TROAP: variants seen among roughly 807,000 people sequenced by gnomAD.
The protein encoded by TROAP is trophinin associated protein.
TROAP carries 62 observed loss-of-function variants against 83.4 expected under a neutral mutation model. That is an observed-to-expected ratio of 0.74 (90% CI 0.61 to 0.92). The LOEUF (loss-of-function observed/expected upper bound fraction) is 0.92. Among genes scored for constraint, TROAP ranks in the 40% least tolerant of loss-of-function variants. The pLI, the probability that TROAP is intolerant of heterozygous loss-of-function variation, is 0.00. For missense variants in TROAP, 876 were observed against 985.1 expected (o/e 0.89, Z 1.48); for synonymous variants, 352 against 386.4 (o/e 0.91, Z 1.04).
chr12:49,323,534 C>A, intron 1 of TROAP, 70 bp from the exon 2 acceptor site: 1 of 1,565,786 alleles, frequency 6.4e-7, no homozygotes, highest in Non-Finnish European at 8.7e-7. Flanking sequence ...GATGGCAGGA[C>A]AGGTGCCCCG....
chr12:49,324,909 CTTTTTTT>C (rs891098022), intron 3 of TROAP, among the ~76,000 whole-genome samples: 3 of 112,552 alleles, frequency 2.7e-5, no homozygotes, highest in African/African-American at 7.0e-5. Context: ...TGTTTTCTTT[CTTTTTTT>C]TTTTTTTTTT....
rs1190743092 is a variant in TROAP, at chr12:49,329,454, G to T, written c.1164G>T (p.Trp388Cys). The change falls in exon 11 of 15, where the codon TGG becomes TGT. Residue 388 changes from tryptophan (W) to cysteine (C), a missense_variant and splice_region_variant. Coordinates refer to ENST00000257909, the MANE Select transcript of TROAP (RefSeq NM_005480.4). This position sits in a 1 kb window ranked among gnomAD's most constrained non-coding sequence, Gnocchi z 4.5. ...GCTCTGAAGATCCTGCCCTGCCCTGGGTAAGTATCAGAAGCTTCCCCCTAC... is the reference window on the plus strand; with the variant it reads ...GCTCTGAAGATCCTGCCCTGCCCTGTGTAAGTATCAGAAGCTTCCCCCTAC... The part of the protein sequence containing the change: ...QSCSEDPALP[W>C]EQVAVRLFDQ... 3 of 1,608,446 alleles carry T rather than the reference G, an allele frequency of 1.9e-6. No homozygotes were observed. Among genetic ancestry groups the T allele is most frequent in the Non-Finnish European group, 2.5e-6 (3 of 1,176,992 alleles).
chr12:49,330,606 G>A lies in TROAP; in HGVS notation c.1761G>A (p.Arg587=), dbSNP rs1943565444. 6.2e-7 allele frequency: 1 copy of A among 1,612,776 alleles called. No homozygotes were observed. Among genetic ancestry groups the A allele is most frequent in the Non-Finnish European group, 8.5e-7 (1 of 1,179,742 alleles). Residue 587 remains arginine (R), a synonymous_variant, in exon 13 of 15, where the codon AGG becomes AGA. Coordinates refer to ENST00000257909, the MANE Select transcript of TROAP (RefSeq NM_005480.4). ...VPEPCPPAEP[R]PLESYCRIEP... ...AGCCCTGCCCTCCAGCAGAACCCAGGCCCCTAGAGTCCTACTGTAGGATTG... is the reference window on the plus strand; with the variant it reads ...AGCCCTGCCCTCCAGCAGAACCCAGACCCCTAGAGTCCTACTGTAGGATTG...
At chr12:49,324,496 C>G (rs567575697) in intron 3 of TROAP, 24 of 270,322 alleles carry the variant, frequency 8.9e-5, no homozygotes, top group African/African-American at 5.4e-4. Flanking sequence ...TGTTACCTGT[C>G]TATAGTTTGA....
Position 49,331,593 on chromosome 12 carries a change from T to C in TROAP, c.2313T>C (p.Ser771=), listed in dbSNP as rs746128804. The change falls in exon 15 of 15, where the codon TCT becomes TCC. Residue 771 remains serine (S), a synonymous_variant. Coordinates refer to ENST00000257909, the MANE Select transcript of TROAP (RefSeq NM_005480.4). The part of the protein sequence containing the change: ...QDALCFIPVG[S]AAPQGSP Reference sequence around the variant, plus strand: ...TCCAGTGTTTCATTCCAGTTGGTTCTGCTGCCCCCCAGGGCTCTCCATGAT... The same window carrying C: ...TCCAGTGTTTCATTCCAGTTGGTTCCGCTGCCCCCCAGGGCTCTCCATGAT... 4 of 1,614,226 alleles carry C rather than the reference T, an allele frequency of 2.5e-6. No individual in the cohort carries two copies. The highest frequency in any genetic ancestry group is 3.4e-6 in the Non-Finnish European group (4 of 1,180,030).
In TROAP at chr12:49,331,199, T is replaced by G; in HGVS notation, c.2099-15T>G. 6.2e-7 allele frequency: 1 copy of G among 1,613,970 alleles called. No individual in the cohort carries two copies. Among genetic ancestry groups the G allele is most frequent in the Non-Finnish European group, 8.5e-7 (1 of 1,180,000 alleles). The stretch of plus-strand genomic sequence containing the variant: ...AGGACCCCAGACCTCCCTCTAAATT[T>G]TCCATGCCCCTCAGGCCTCAGCAAT... On this transcript the variant is annotated splice_polypyrimidine_tract_variant and intron_variant, in intron 13 of 14. Transcript: ENST00000257909.
At position 49,331,652 on chromosome 12, in the gene TROAP, C is replaced by T. The variant is rs199619728; in HGVS notation, c.*35C>T. 3.0e-5 allele frequency: 49 copies of T among 1,613,840 alleles called. No homozygotes were observed. In the East Asian group the frequency reaches 1.0e-3, roughly 34 times the overall value. ...CACTCCTGCCCTGCCGTACTTCTTC[C>T]TTTTAGCCCTTATTTATTGTCGGTC... On this transcript the variant is annotated 3_prime_UTR_variant, in exon 15 of 15. Transcript: ENST00000257909.
rs370307812 is a variant in TROAP, at chr12:49,326,066, T to C, written c.634-10T>C. On this transcript the variant is annotated splice_polypyrimidine_tract_variant and intron_variant, in intron 5 of 14. Transcript: ENST00000257909. ...TGATTCCGTTTTCATCTCTTGCTCC[T>C]GTGGATCAGATTTCACCTTCAGGAC... is the stretch of plus-strand genomic sequence containing the variant. The C allele has an allele frequency of 5.0e-6, 8 of 1,613,388 alleles. No individual in the cohort carries two copies. In the African/African-American group the frequency reaches 8.0e-5, roughly 16 times the overall value.
intron 1 of TROAP, 107 bp from the exon 2 acceptor site, chr12:49,323,497 C>CGTGGATTAGG (rs1943433895): frequency 6.9e-7 from 1 of 1,455,022 alleles, no homozygotes; most frequent in Non-Finnish European, 9.3e-7. Flanking sequence ...GGCTTGTGGG[C>CGTGGATTAGG]GCGTGGATTA....
In TROAP at chr12:49,326,111, TC is replaced by T; in HGVS notation, c.670del (p.Arg224AlafsTer7). On this transcript the variant is annotated frameshift_variant, in exon 6 of 15. Coordinates refer to ENST00000257909, the MANE Select transcript of TROAP (RefSeq NM_005480.4). LOFTEE classifies it high-confidence loss of function. ...PSGPSFHPST[R>X]PSFQELRRET... Reference sequence around the variant, plus strand: ...CAGGACCTTCCTTTCACCCTTCCACTCGCCCCAGTTTCCAGGAGCTAAGAAG... The same window carrying T: ...CAGGACCTTCCTTTCACCCTTCCACTGCCCCAGTTTCCAGGAGCTAAGAAG... 6.2e-7 allele frequency: 1 copy of T among 1,613,946 alleles called. No individual in the cohort carries two copies. Among genetic ancestry groups the T allele is most frequent in the Non-Finnish European group, 8.5e-7 (1 of 1,180,020 alleles).
Position 49,324,048 on chromosome 12 carries a change from G to C in TROAP, c.337+11G>C. On this transcript the variant is annotated intron_variant, in intron 3 of 14. Coordinates refer to ENST00000257909, the MANE Select transcript of TROAP (RefSeq NM_005480.4). ...CCCCTGCCCAGACAGGTACCTGTTG[G>C]AGCCATGGTAACACGGCCTCCATGG... 6.2e-7 allele frequency: 1 copy of C among 1,612,274 alleles called. No individual in the cohort carries two copies.
intron 3 of TROAP, among the ~76,000 whole-genome samples, chr12:49,325,055 C>A (rs1380148663): frequency 6.6e-6 from 1 of 151,558 alleles, no homozygotes; most frequent in Non-Finnish European, 1.5e-5. Flanking sequence ...GTACTACAGG[C>A]GCGCGCCACC....
chr12:49,324,167 C>T, intron 3 of TROAP, 130 bp downstream of exon 3: 1 of 1,614,134 alleles, frequency 6.2e-7, no homozygotes, highest in Non-Finnish European at 8.5e-7. Flanking sequence ...CTGGTCCCAG[C>T]TCCTGGAAAG....
rs1281610754 is a variant in TROAP at position 49,323,349 on chromosome 12, G to A, written c.-6G>A. 6.4e-6 allele frequency: 3 copies of A among 466,658 alleles called. No homozygotes were observed. Among genetic ancestry groups the A allele is most frequent in the African/African-American group, 5.9e-5 (3 of 50,624 alleles). 28.9% of individuals were successfully genotyped at this position (466,658 alleles called of 1,614,324 possible). A position where few individuals can be genotyped will look rare whatever the true frequency, so the allele number is the denominator to read the frequency against. Reference sequence around the variant, plus strand: ...GGTAGGCCCTGAGGGGCCTCGGTAAGGTAAGGCACGGGGGTCTTGAAGGGA... The same window carrying A: ...GGTAGGCCCTGAGGGGCCTCGGTAAAGTAAGGCACGGGGGTCTTGAAGGGA... On this transcript the variant is annotated splice_region_variant and 5_prime_UTR_variant, in exon 1 of 15. Coordinates refer to ENST00000257909, the MANE Select transcript of TROAP (RefSeq NM_005480.4).
At chr12:49,328,214 C>CTTTTT (rs981259606) in intron 8 of TROAP, among the ~76,000 whole-genome samples, 6 of 77,364 alleles carry the variant, frequency 7.8e-5, no homozygotes, top group Non-Finnish European at 1.5e-4. Context: ...TGACTTAGGT[C>CTTTTT]TTTTTTTTTT....
At chr12:49,326,009 G>A in intron 5 of TROAP, 67 bp from the exon 6 acceptor site, 2 of 1,606,506 alleles carry the variant, frequency 1.2e-6, no homozygotes, top group South Asian at 1.1e-5. Flanking sequence ...GATGGGGTTG[G>A]TGGTGAGGCC....
intron 7 of TROAP, 125 bp downstream of exon 7, chr12:49,326,845 C>A: frequency 9.3e-7 from 1 of 1,078,634 alleles, no homozygotes; most frequent in Non-Finnish European, 1.3e-6. Flanking sequence ...GAGGCTAGGT[C>A]AGAAGGAGAA....
At chr12:49,323,491 T>G in intron 1 of TROAP, 113 bp from the exon 2 acceptor site, 1 of 1,432,460 alleles carries the variant, frequency 7.0e-7, no homozygotes, top group Non-Finnish European at 9.5e-7. Context: ...GCCGGGGGCT[T>G]GTGGGCGCGT....
chr12:49,326,582 G>A (rs113530893), intron 6 of TROAP, 86 bp from the exon 7 acceptor site: 21 of 1,342,936 alleles, frequency 1.6e-5, no homozygotes, highest in African/African-American at 8.8e-5. Flanking sequence ...AGAATGAAAT[G>A]AGATGATGTT....
Sources: gnomAD v4.1 joint callset for allele counts (sites outside exome capture counted in the v4.1 genomes callset) on GRCh38, gnomAD v4.1.1 for gene constraint, Gnocchi (gnomAD v3.1) non-coding constraint, MANE v1.5 for transcripts, NCBI Gene and HGNC (gene_info 2026-07-23, HGNC 2026-07-21) for gene names.